Variants in WIPF1 observed in about 807,000 individuals in gnomAD.
WIPF1 encodes the protein WAS/WASL interacting protein family member 1.
WIPF1 carries 13 observed loss-of-function variants against 35.4 expected under a neutral mutation model. That is an observed-to-expected ratio of 0.37 (90% CI 0.24 to 0.58). WIPF1 has a LOEUF of 0.58. Among genes scored for constraint, WIPF1 ranks in the 20% least tolerant of loss-of-function variants. The pLI is 0.74. For missense variants in WIPF1, 591 were observed against 667.0 expected, an observed-to-expected ratio of 0.89 and a Z score of 1.25; for synonymous variants, 267 against 266.3, an observed-to-expected ratio of 1.00 and a Z score of -0.02.
intron 1 of WIPF1, among the ~76,000 whole-genome samples, chr2:174,647,396 CTG>C (rs1687432773): frequency 1.3e-5 from 2 of 150,870 alleles, no homozygotes; most frequent in Admixed American, 1.3e-4. Flanking sequence ...CTTTCCGAGA[CTG>C]AGTCTTGCTC....
chr2:174,609,351 T>G (rs1409553954), intron 1 of WIPF1, among the ~76,000 whole-genome samples: 23 of 152,256 alleles, frequency 1.5e-4, no homozygotes, highest in Non-Finnish European at 3.4e-4. Flanking sequence ...AATGCAAATG[T>G]CATACAAATG....
At position 174,676,788 on chromosome 2, in the gene WIPF1, T is replaced by C. The variant is rs78458170; in HGVS notation, c.-39+5986A>G. ...CTACTTTCCCCACAAGAACAAAACT[T>C]CCCACTTCTTAATTATTAGAATCAT... is the stretch of plus-strand genomic sequence containing the variant. On this transcript the variant is annotated intron_variant, in intron 1 of 8. Transcript: ENST00000272746. 47 of 152,280 alleles carry C rather than the reference T, an allele frequency of 3.1e-4. 1 individual carries two copies. The East Asian group carries it at 8.5e-3, about 28-fold the overall frequency. 9.4% of individuals were successfully genotyped at this position (152,280 alleles called of 1,614,324 possible).
At chr2:174,592,587 ATT>A (rs1418830254) in intron 1 of WIPF1, among the ~76,000 whole-genome samples, 1 of 146,610 alleles carries the variant, frequency 6.8e-6, no homozygotes, top group African/African-American at 2.5e-5. Flanking sequence ...TTCTATTTTT[ATT>A]TACATTTATT....
intron 7 of WIPF1, 117 bp from the exon 8 acceptor site, chr2:174,562,719 A>G: frequency 7.5e-7 from 1 of 1,340,008 alleles, no homozygotes; most frequent in South Asian, 1.3e-5. Context: ...CAGGGCTGTC[A>G]GCTAACTGGC....
At chr2:174,613,976 C>A (rs1382988947) in intron 1 of WIPF1, among the ~76,000 whole-genome samples, 1 of 152,038 alleles carries the variant, frequency 6.6e-6, no homozygotes, top group Non-Finnish European at 1.5e-5. Flanking sequence ...TACACTTAGC[C>A]CTATTTAAAA....
chr2:174,592,250 A>G (rs1685638046), intron 1 of WIPF1, among the ~76,000 whole-genome samples: 1 of 152,212 alleles, frequency 6.6e-6, no homozygotes, highest in African/African-American at 2.4e-5. Context: ...TCCCCAGTGA[A>G]CACAGTTGAC....
chr2:174,608,950 C>G (rs2105895486), intron 1 of WIPF1, among the ~76,000 whole-genome samples: 1 of 152,346 alleles, frequency 6.6e-6, no homozygotes, highest in African/African-American at 2.4e-5. Context: ...CTCTGCACCT[C>G]TGGGCCTGAC....
At chr2:174,674,903 TACACAC>T (rs35062209) in intron 1 of WIPF1, among the ~76,000 whole-genome samples, 2,394 of 133,956 alleles carry the variant, frequency 0.018, 21 homozygotes, top group Non-Finnish European at 0.024. Flanking sequence ...CAGGTTCAAA[TACACAC>T]ACACACACAC....
intron 1 of WIPF1, among the ~76,000 whole-genome samples, chr2:174,643,445 C>T (rs1687340035): frequency 6.7e-6 from 1 of 148,960 alleles, no homozygotes; most frequent in African/African-American, 2.6e-5. Flanking sequence ...CAGAGTCTCA[C>T]TCCATTACCT....
intron 1 of WIPF1, among the ~76,000 whole-genome samples, chr2:174,648,969 A>G (rs548867054): frequency 6.6e-6 from 1 of 152,368 alleles, no homozygotes; most frequent in Admixed American, 6.5e-5. Flanking sequence ...TGCAGTTTGC[A>G]TAACAGGCAC....
intron 1 of WIPF1, among the ~76,000 whole-genome samples, chr2:174,604,650 T>C (rs1014581010): frequency 2.0e-5 from 3 of 152,164 alleles, no homozygotes; most frequent in Admixed American, 6.5e-5. Context: ...ATTATGGGGA[T>C]AGATTATGGG....
chr2:174,652,098 A>G (rs1687544782), intron 1 of WIPF1, among the ~76,000 whole-genome samples: 1 of 152,200 alleles, frequency 6.6e-6, no homozygotes, highest in Non-Finnish European at 1.5e-5. Context: ...AGGCAGAAGT[A>G]TAGCTTTTTA....
chr2:174,604,297 GA>G (rs1182528205), intron 1 of WIPF1, among the ~76,000 whole-genome samples: 4 of 152,206 alleles, frequency 2.6e-5, no homozygotes, highest in African/African-American at 9.7e-5. Flanking sequence ...AAAGAGCTGA[GA>G]TCTCAAGAAA....
chr2:174,617,820 A>G (rs1686558628), intron 1 of WIPF1, among the ~76,000 whole-genome samples: 1 of 152,262 alleles, frequency 6.6e-6, no homozygotes. Context: ...TGGCCAGTCC[A>G]TGAATGGAAA....
At position 174,572,095 on chromosome 2, in the gene WIPF1, T is replaced by C. The variant is rs1410798172; in HGVS notation, c.710A>G (p.Gln237Arg). The C allele has an allele frequency of 6.3e-7, 1 of 1,587,684 alleles. No individual in the cohort carries two copies. The highest frequency in any genetic ancestry group is 2.2e-5 in the East Asian group (1 of 44,742). The stretch of plus-strand genomic sequence containing the variant: ...GGGCGAGGAGGAGCTCAAGGGGGAC[T>C]GACGTATTGAGCCTCCTCCCAAAGC... ...GTALGGGSIR[Q>R]SPLSSSSPFS... is the part of the protein sequence containing the mutation. Residue 237 changes from glutamine to arginine, a missense_variant, in exon 5 of 8, where the codon CAG becomes CGG. Gln to Arg is a conservative substitution (Grantham distance 43). Coordinates refer to ENST00000679041, the MANE Select transcript of WIPF1 (RefSeq NM_001375834.1).
chr2:174,612,843 T>TA (rs1475334953), intron 1 of WIPF1, among the ~76,000 whole-genome samples: 3 of 152,224 alleles, frequency 2.0e-5, no homozygotes, highest in Admixed American at 2.0e-4. Context: ...AAAGGTTACC[T>TA]AAAAGCTCCA....
chr2:174,660,371 T>A (rs1687732618), intron 1 of WIPF1, among the ~76,000 whole-genome samples: 1 of 152,206 alleles, frequency 6.6e-6, no homozygotes, highest in Admixed American at 6.5e-5. Flanking sequence ...AAAATAATAA[T>A]AATTTTAAAA....
intron 4 of WIPF1, chr2:174,574,951 A>C: frequency 1.5e-6 from 1 of 657,984 alleles, no homozygotes; most frequent in Non-Finnish European, 2.7e-6. Context: ...CCTTTAGAAA[A>C]GTAAAAAAAA....
chr2:174,654,937 A>C (rs2105966713), intron 1 of WIPF1, among the ~76,000 whole-genome samples: 1 of 152,324 alleles, frequency 6.6e-6, no homozygotes. Context: ...CAGAGCTAAG[A>C]AGCACCTAAG....
Sources: gnomAD v4.1 joint callset for allele counts (sites outside exome capture counted in the v4.1 genomes callset) on GRCh38, gnomAD v4.1.1 for gene constraint, MANE v1.5 for transcripts, NCBI Gene and HGNC (gene_info 2026-07-23, HGNC 2026-07-21) for gene names.